FRY: variants seen among roughly 807,000 people sequenced by gnomAD.
The protein encoded by FRY is FRY microtubule binding protein.
A neutral mutation model predicts 348.4 loss-of-function variants in FRY; 128 were observed. The observed-to-expected ratio is 0.37, with a 90% CI of 0.32 to 0.43. FRY has a LOEUF of 0.43. Among genes scored for constraint, FRY ranks in the 20% least tolerant of loss-of-function variants. FRY has a pLI of 1.00. For synonymous variants in FRY, 1,370 were observed against 1,374.7 expected (o/e 1.00, Z 0.08); for missense variants, 2,736 against 3,695.2 (o/e 0.74, Z 6.73).
chr13:32,040,484 C>G (rs1872706061), intron 1 of FRY, among the ~76,000 whole-genome samples: 1 of 152,186 alleles, frequency 6.6e-6, no homozygotes. Context: ...ACCATTAAAG[C>G]CAGACTGAAG....
Position 32,035,292 on chromosome 13 carries a change from G to T in FRY, c.70+3427G>T, listed in dbSNP as rs1872453596. Among the ~76,000 whole-genome samples, 2 of 152,104 alleles carry T rather than the reference G, an allele frequency of 1.3e-5. 1 individual carries two copies. The highest frequency in any genetic ancestry group is 4.1e-4 in the South Asian group (2 of 4,828). Reference sequence around the variant, plus strand: ...TGTCAAAATTAGTTGGTTATTTTGGGCTGGTTTTTTTTCTCCCAGATTTAC... The same window carrying T: ...TGTCAAAATTAGTTGGTTATTTTGGTCTGGTTTTTTTTCTCCCAGATTTAC... On this transcript the variant is annotated intron_variant, in intron 1 of 60. Coordinates refer to ENST00000542859, the MANE Select transcript of FRY (RefSeq NM_023037.3).
At position 32,298,032 on chromosome 13, in the gene FRY, T is replaced by A. The variant is rs1422534788; in HGVS notation, c.*2572T>A. 2 of 152,226 alleles carry A rather than the reference T, an allele frequency of 1.3e-5. No homozygotes were observed. Among genetic ancestry groups the A allele is most frequent in the Non-Finnish European group, 2.9e-5 (2 of 68,044 alleles). 9.4% of individuals were successfully genotyped at this position (152,226 alleles called of 1,614,324 possible). On this transcript the variant is annotated 3_prime_UTR_variant, in exon 61 of 61. Coordinates refer to ENST00000542859, the MANE Select transcript of FRY (RefSeq NM_023037.3). Reference sequence around the variant, plus strand: ...TTTTAGAAAAGGCACTGCACATTTTTAGAGGCACGTGAATGTCATTCCCAC... The same window carrying A: ...TTTTAGAAAAGGCACTGCACATTTTAAGAGGCACGTGAATGTCATTCCCAC...
At chr13:32,181,968 A>G (rs1288002243) in intron 23 of FRY, among the ~76,000 whole-genome samples, 1 of 152,186 alleles carries the variant, frequency 6.6e-6, no homozygotes, top group Non-Finnish European at 1.5e-5. Flanking sequence ...CATTTCTTCG[A>G]TGAAGAAATT....
chr13:32,191,894 G>C (rs556196460), intron 28 of FRY, among the ~76,000 whole-genome samples: 1 of 152,218 alleles, frequency 6.6e-6, no homozygotes, highest in African/African-American at 2.4e-5. Flanking sequence ...GGAGGTTGCG[G>C]GGATACAAAC....
At chr13:32,124,136 C>G (rs1007901413) in intron 4 of FRY, 150 bp from the exon 5 acceptor site, 5 of 626,604 alleles carry the variant, frequency 8.0e-6, no homozygotes, top group Non-Finnish European at 1.4e-5. Context: ...CTCCGCCCGG[C>G]CAACGTTAGC....
chr13:32,254,422 C>A (rs1887234258), intron 51 of FRY, 28 bp downstream of exon 51: 2 of 1,585,012 alleles, frequency 1.3e-6, no homozygotes, highest in Non-Finnish European at 8.7e-7. Context: ...TAAAAATAAT[C>A]CCCGCACCCT....
chr13:32,169,259 T>C (rs868736194), intron 17 of FRY, among the ~76,000 whole-genome samples: 1 of 152,326 alleles, frequency 6.6e-6, no homozygotes, highest in Middle Eastern at 3.4e-3. Flanking sequence ...CAAGACATTC[T>C]CCCTATTCCT....
intron 3 of FRY, among the ~76,000 whole-genome samples, chr13:32,105,596 G>C (rs183617171): frequency 6.6e-6 from 1 of 152,296 alleles, no homozygotes; most frequent in East Asian, 1.9e-4. Context: ...AATCTGGGTT[G>C]CCACAGAAGT....
chr13:32,209,824 A>C, intron 33 of FRY, 93 bp downstream of exon 33: 1 of 1,256,814 alleles, frequency 8.0e-7, no homozygotes. Context: ...CTCCAGCTAA[A>C]ATAGAAATGT....
intron 1 of FRY, among the ~76,000 whole-genome samples, chr13:32,068,911 CTTTTTTTTTTT>C (rs142807722): frequency 4.8e-5 from 4 of 82,860 alleles, no homozygotes; most frequent in Admixed American, 1.5e-4. Context: ...ATGTTCAATT[CTTTTTTTTTTT>C]TTTTTTTTTT....
At chr13:32,262,186 A>G in intron 52 of FRY, 128 bp from the exon 53 acceptor site, 1 of 746,620 alleles carries the variant, frequency 1.3e-6, no homozygotes. Flanking sequence ...GCTATGTTTA[A>G]GGCCCAATAA....
At chr13:32,254,741 T>C (rs890578127) in intron 51 of FRY, among the ~76,000 whole-genome samples, 1 of 152,224 alleles carries the variant, frequency 6.6e-6, no homozygotes, top group Non-Finnish European at 1.5e-5. Context: ...CACTGGTACC[T>C]GGGTAAAATA....
At chr13:32,053,340 A>T (rs1239532574) in intron 1 of FRY, among the ~76,000 whole-genome samples, 2 of 152,168 alleles carry the variant, frequency 1.3e-5, no homozygotes, top group Non-Finnish European at 2.9e-5. Flanking sequence ...ATGCTTAGTA[A>T]TGACTTCTGA....
At chr13:32,182,334 A>G (rs1462003775) in intron 23 of FRY, among the ~76,000 whole-genome samples, 1 of 152,258 alleles carries the variant, frequency 6.6e-6, no homozygotes, top group Non-Finnish European at 1.5e-5. Context: ...TTTTTACTAC[A>G]TAAAAGAAAA....
At chr13:32,213,264 C>A (rs996291604) in intron 35 of FRY, among the ~76,000 whole-genome samples, 1 of 152,178 alleles carries the variant, frequency 6.6e-6, no homozygotes, top group African/African-American at 2.4e-5. Flanking sequence ...TATTGGGGCA[C>A]AGTAGGGGCT....
chr13:32,084,889 AACACACACAC>A (rs5802632), intron 2 of FRY, among the ~76,000 whole-genome samples: 90 of 149,800 alleles, frequency 6.0e-4, no homozygotes, highest in African/African-American at 2.1e-3. Flanking sequence ...CACACATGCA[AACACACACAC>A]ACACACACAC....
intron 58 of FRY, among the ~76,000 whole-genome samples, chr13:32,288,900 A>T (rs900487374): frequency 6.6e-6 from 1 of 152,132 alleles, no homozygotes; most frequent in Non-Finnish European, 1.5e-5. Context: ...CTGGCATTGG[A>T]ATTGTTATTT....
intron 1 of FRY, among the ~76,000 whole-genome samples, chr13:32,057,852 C>T (rs569339283): frequency 1.3e-5 from 2 of 151,966 alleles, no homozygotes; most frequent in Admixed American, 6.5e-5. Flanking sequence ...CCCAGCTACT[C>T]GGGAGACTGA....
chr13:32,182,927 G>C (rs766038772), intron 23 of FRY, 50 bp from the exon 24 acceptor site: 6 of 1,170,948 alleles, frequency 5.1e-6, no homozygotes, highest in African/African-American at 1.5e-5. Flanking sequence ...TTAGTGACAA[G>C]TTTGGTGTCA....
Sources: allele counts gnomAD v4.1 joint callset (sites outside exome capture counted in the v4.1 genomes callset), GRCh38; gene constraint gnomAD v4.1.1; transcripts MANE v1.5; gene names NCBI Gene and HGNC (gene_info 2026-07-23, HGNC 2026-07-21).